Variants in MYO16 observed in about 807,000 individuals in gnomAD.
MYO16 encodes the protein myosin XVI.
In MYO16, 94 loss-of-function variants were observed where a neutral mutation model predicts 205.3. That is an observed-to-expected ratio of 0.46 (90% CI 0.39 to 0.54). MYO16 has a LOEUF of 0.54. MYO16 is among the 20% of genes least tolerant of loss of function. The probability of loss-of-function intolerance (pLI) is 0.00; values close to 1 mark genes in which losing one functional copy is unlikely to be tolerated. For synonymous variants in MYO16, 988 were observed against 954.0 expected, an observed-to-expected ratio of 1.04 and a Z score of -0.66; for missense variants, 2,315 against 2,387.5, an observed-to-expected ratio of 0.97 and a Z score of 0.63.
chr13:109,118,532 T>C lies in MYO16; in HGVS notation c.3439-1838T>C, dbSNP rs192847253. 5.3e-5 allele frequency among the ~76,000 whole-genome samples: 8 copies of C among 152,332 alleles called. No individual in the cohort carries two copies. In the East Asian group the frequency reaches 1.5e-3, roughly 29 times the overall value. ...TAATTCCCCTAATGATCATTATTGATCCCATCCATTGTGGAGCATCACCAG... is the reference window on the plus strand; with the variant it reads ...TAATTCCCCTAATGATCATTATTGACCCCATCCATTGTGGAGCATCACCAG... On this transcript the variant is annotated intron_variant, in intron 28 of 34. Coordinates refer to ENST00000457511, the MANE Select transcript of MYO16 (RefSeq NM_001198950.3).
Position 109,207,038 on chromosome 13 carries a change from A to C in MYO16, c.*202A>C. 1 of 550,236 alleles carries C rather than the reference A, an allele frequency of 1.8e-6. No individual in the cohort carries two copies. The highest frequency in any genetic ancestry group is 2.2e-5 in the South Asian group (1 of 44,532). The allele number at this position is 550,236 out of a possible 1,614,324, so 34.1% of individuals were successfully genotyped here. ...TGTGTGTGTGGGTTCTTTCTTATCC[A>C]TCTCGTGGTGATACACTCTGATTTT... is the stretch of plus-strand genomic sequence containing the variant. On this transcript the variant is annotated 3_prime_UTR_variant, in exon 35 of 35. Coordinates refer to ENST00000457511, the MANE Select transcript of MYO16 (RefSeq NM_001198950.3).
intron 2 of MYO16, among the ~76,000 whole-genome samples, chr13:108,710,804 T>A (rs1237626937): frequency 2.0e-5 from 3 of 152,234 alleles, no homozygotes; most frequent in African/African-American, 7.2e-5. Context: ...TATTATAACA[T>A]GATACAATCT....
chr13:109,105,082 ACT>A (rs1889081321), intron 28 of MYO16, among the ~76,000 whole-genome samples: 1 of 152,186 alleles, frequency 6.6e-6, no homozygotes, highest in Non-Finnish European at 1.5e-5. Context: ...CAGGACAGAC[ACT>A]CTGTGCCTGG....
chr13:108,740,026 T>G (rs568474290), intron 4 of MYO16, among the ~76,000 whole-genome samples: 296 of 152,302 alleles, frequency 1.9e-3, no homozygotes, highest in African/African-American at 6.8e-3. Context: ...TTATTCTAGT[T>G]AGCCATTCGT....
chr13:108,840,170 T>A (rs918675200), intron 9 of MYO16, among the ~76,000 whole-genome samples: 9 of 152,198 alleles, frequency 5.9e-5, no homozygotes, highest in Non-Finnish European at 4.4e-5. Flanking sequence ...TATGATCCTC[T>A]GTCCCCTCAC....
the MYO16 span, among the ~76,000 whole-genome samples, chr13:108,550,566 T>C: frequency 1.3e-5 from 2 of 152,220 alleles, no homozygotes; most frequent in African/African-American, 4.8e-5. Context: ...TCCTTGGTGA[T>C]TTTTAACTAA....
At chr13:108,896,849 G>A (rs1297833490) in intron 14 of MYO16, among the ~76,000 whole-genome samples, 1 of 152,008 alleles carries the variant, frequency 6.6e-6, no homozygotes, top group Non-Finnish European at 1.5e-5. Flanking sequence ...GCATGCCCTT[G>A]TAATCCCAGC....
the MYO16 span, among the ~76,000 whole-genome samples, chr13:108,544,509 T>C: frequency 2.1e-3 from 323 of 152,338 alleles, 2 homozygotes; most frequent in African/African-American, 7.6e-3. Context: ...CTTCAAGCAT[T>C]TGTCCTTTGT....
At chr13:109,151,783 G>A (rs1877682733) in intron 32 of MYO16, among the ~76,000 whole-genome samples, 1 of 152,182 alleles carries the variant, frequency 6.6e-6, no homozygotes, top group Non-Finnish European at 1.5e-5. Context: ...AGAAGACTTA[G>A]GCAAAGCAAT....
In MYO16 at chr13:109,036,284, G is replaced by A. The variant is rs1594490577; in HGVS notation, c.2797-10632G>A. Among the ~76,000 whole-genome samples the A allele has an allele frequency of 2.0e-5, 3 of 152,288 alleles. No individual in the cohort carries two copies. The South Asian group carries it at 6.2e-4, about 32-fold the overall frequency. ...TTCAGTTTCCTTGGTGATTAGCCAA[G>A]CATGAGCCTGACACCCTTCAGTTAG... On this transcript the variant is annotated intron_variant, in intron 23 of 34. Transcript: ENST00000457511.
chr13:108,843,446 T>C (rs1036075112), intron 9 of MYO16, among the ~76,000 whole-genome samples: 1 of 152,050 alleles, frequency 6.6e-6, no homozygotes, highest in African/African-American at 2.4e-5. Context: ...CTCACTGAAC[T>C]AAACAACAAA....
chr13:109,118,613 T>C (rs984773584), intron 28 of MYO16, among the ~76,000 whole-genome samples: 6 of 152,184 alleles, frequency 3.9e-5, no homozygotes, highest in African/African-American at 1.4e-4. Context: ...ATTTTGTCTT[T>C]GGGAGTTAGT....
the MYO16 span, among the ~76,000 whole-genome samples, chr13:108,564,779 T>A: frequency 6.6e-6 from 1 of 152,208 alleles, no homozygotes; most frequent in Non-Finnish European, 1.5e-5. Context: ...AGTTTCATAG[T>A]CTGAGGTCTT....
chr13:109,059,596 T>G (rs1378233318), intron 27 of MYO16, among the ~76,000 whole-genome samples: 3 of 152,162 alleles, frequency 2.0e-5, no homozygotes, highest in Non-Finnish European at 4.4e-5. Flanking sequence ...ATTCACCCAC[T>G]TTTTGATGGG....
Position 108,666,135 on chromosome 13 carries a change from A to G in MYO16, c.278A>G (p.His93Arg), listed in dbSNP as rs1881718832. The change falls in exon 2 of 35, where the codon CAC becomes CGC. Residue 93 changes from histidine (H) to arginine (R), a missense_variant. His to Arg is a conservative substitution (Grantham distance 29). This residue lies in a region of MYO16 where 1,213 missense variants were observed against 1,274.4 expected (regional missense o/e 0.95). Transcript: ENST00000457511. ...TDMLQDAIIH[H>R]NDKEVLRLLK... is the part of the protein sequence containing the mutation. ...ATGCTACAGGACGCGATTATCCACC[A>G]CAATGACAAAGAAGGTACATGATAA... The G allele has an allele frequency of 6.2e-7, 1 of 1,603,242 alleles. No homozygotes were observed. Among genetic ancestry groups the G allele is most frequent in the African/African-American group, 1.3e-5 (1 of 74,780 alleles).
At chr13:108,734,166 G>C (rs1884614499) in intron 4 of MYO16, among the ~76,000 whole-genome samples, 2 of 151,146 alleles carry the variant, frequency 1.3e-5, no homozygotes, top group Admixed American at 1.3e-4. Context: ...GTGTCTGTTT[G>C]CAGGCACCTT....
Position 109,127,872 on chromosome 13 carries a change from A to C in MYO16, c.4051+322A>C, listed in dbSNP as rs1204442413. Among the ~76,000 whole-genome samples, 1 of 151,960 alleles carries C rather than the reference A, an allele frequency of 6.6e-6. No individual in the cohort carries two copies. Among genetic ancestry groups the C allele is most frequent in the Non-Finnish European group, 1.5e-5 (1 of 67,960 alleles). On this transcript the variant is annotated intron_variant, in intron 31 of 34. Transcript: ENST00000457511. The surrounding 1 kb of genome is among the most constrained non-coding windows in gnomAD (Gnocchi z 4.2). ...CCAATGAGAAAGTAAAAAAAAAAAA[A>C]AAAAAACTGCTTCAGGCATTCCAGT...
At chr13:108,689,726 G>A (rs1882818300) in intron 2 of MYO16, among the ~76,000 whole-genome samples, 2 of 151,488 alleles carry the variant, frequency 1.3e-5, no homozygotes, top group Admixed American at 6.6e-5. Context: ...AAAAAAAATA[G>A]CAGCAAAGAA....
chr13:108,857,729 T>C (rs918873087), intron 11 of MYO16, among the ~76,000 whole-genome samples: 1 of 152,234 alleles, frequency 6.6e-6, no homozygotes, highest in Non-Finnish European at 1.5e-5. Flanking sequence ...GAGTTCGTTA[T>C]GTGAGTTTTT....
Sources: allele counts gnomAD v4.1 joint callset (sites outside exome capture counted in the v4.1 genomes callset), GRCh38; gene constraint gnomAD v4.1.1; regional missense constraint gnomAD v4.1.1; non-coding constraint Gnocchi (gnomAD v3.1); transcripts MANE v1.5; gene names NCBI Gene and HGNC (gene_info 2026-07-23, HGNC 2026-07-21).